Variants in ROPN1L observed in about 807,000 individuals in gnomAD.
The protein encoded by ROPN1L is rhophilin associated tail protein 1 like.
Under a neutral mutation model 22.7 loss-of-function variants are expected in ROPN1L, and 23 were observed. The ratio of observed to expected loss-of-function variants is 1.01; its 90% confidence interval spans 0.73 to 1.43. ROPN1L has a LOEUF of 1.43. Ranked by LOEUF, ROPN1L falls within the 40% of genes most tolerant of loss-of-function variation. The pLI is 0.00. For missense variants in ROPN1L, 271 were observed against 291.5 expected (o/e 0.93, Z 0.51); for synonymous variants, 116 against 117.8 (o/e 0.98, Z 0.10).
chr5:10,461,032 CA>C, intron 3 of ROPN1L, 151 bp from the exon 4 acceptor site: 1 of 602,006 alleles, frequency 1.7e-6, no homozygotes, highest in Non-Finnish European at 2.7e-6. Context: ...GGCAATTGTA[CA>C]TTCACCTAGT....
At chr5:10,443,178 G>A (rs2126422506) in intron 1 of ROPN1L, among the ~76,000 whole-genome samples, 1 of 147,962 alleles carries the variant, frequency 6.8e-6, no homozygotes, top group South Asian at 2.2e-4. Context: ...AACACAGCAA[G>A]ACCCCATCTG....
At chr5:10,482,726 G>A in the ROPN1L span, among the ~76,000 whole-genome samples, 4 of 152,172 alleles carry the variant, frequency 2.6e-5, no homozygotes, top group South Asian at 4.1e-4. Flanking sequence ...AGGTCAACTC[G>A]GAATCTGTCA....
At chr5:10,464,454 C>T (rs1228701088) in intron 4 of ROPN1L, among the ~76,000 whole-genome samples, 1 of 152,228 alleles carries the variant, frequency 6.6e-6, no homozygotes. Flanking sequence ...CTTTTGTGCT[C>T]TCTGATGCGG....
the ROPN1L span, among the ~76,000 whole-genome samples, chr5:10,478,818 A>G: frequency 2.0e-5 from 3 of 152,326 alleles, no homozygotes; most frequent in African/African-American, 7.2e-5. Flanking sequence ...TCCAATGCCT[A>G]AAAGAAGTGC....
chr5:10,452,612 A>G (rs1449769408), intron 3 of ROPN1L, among the ~76,000 whole-genome samples: 2 of 152,112 alleles, frequency 1.3e-5, no homozygotes, highest in Non-Finnish European at 2.9e-5. Flanking sequence ...TGCTGGGATT[A>G]CAGGTGTGAG....
At chr5:10,453,850 G>T (rs1449179175) in intron 3 of ROPN1L, among the ~76,000 whole-genome samples, 12 of 152,142 alleles carry the variant, frequency 7.9e-5, no homozygotes, top group African/African-American at 2.7e-4. Flanking sequence ...GCCAGGCCCT[G>T]TTCTAAGTGC....
At chr5:10,467,424 C>CGGGATCACA (rs1209262254), downstream of ROPN1L, among the ~76,000 whole-genome samples, 1 of 152,110 alleles carries the variant, frequency 6.6e-6, no homozygotes, top group Non-Finnish European at 1.5e-5. Context: ...AACAAAACCA[C>CGGGATCACA]GGGATCACAG....
At chr5:10,459,273 GCCTCCTTGCCAGGTTCCCGCCTTCCAC>G (rs1463350574) in intron 3 of ROPN1L, among the ~76,000 whole-genome samples, 5 of 146,176 alleles carry the variant, frequency 3.4e-5, no homozygotes, top group South Asian at 4.3e-4. Context: ...TATTCCAGCA[GCCTCCTTGCCAGGTTCCCGCCTTCCAC>G]CCTCCTCACC....
chr5:10,480,807 G>T, the ROPN1L span, among the ~76,000 whole-genome samples: 2 of 152,094 alleles, frequency 1.3e-5, no homozygotes, highest in African/African-American at 4.8e-5. Context: ...GAACTCCACA[G>T]CTGGGGCTGA....
chr5:10,461,586 CCTGT>C (rs1735031448), intron 4 of ROPN1L: 1 of 460,908 alleles, frequency 2.2e-6, no homozygotes, highest in Non-Finnish European at 3.9e-6. Context: ...CCGTCTCTAC[CCTGT>C]CTACCTGGAG....
intron 1 of ROPN1L, among the ~76,000 whole-genome samples, chr5:10,445,805 C>T (rs1021694680): frequency 3.3e-5 from 5 of 152,170 alleles, no homozygotes; most frequent in Non-Finnish European, 7.4e-5. Context: ...TGTCTGTAAT[C>T]CCAGCTATTC....
At chr5:10,459,458 C>T (rs1311080410) in intron 3 of ROPN1L, among the ~76,000 whole-genome samples, 5 of 152,024 alleles carry the variant, frequency 3.3e-5, no homozygotes, top group Non-Finnish European at 5.9e-5. Flanking sequence ...TGTTTAAAAC[C>T]CTTTGACACC....
intron 4 of ROPN1L, among the ~76,000 whole-genome samples, chr5:10,462,926 TA>T (rs1735065850): frequency 7.5e-6 from 1 of 133,462 alleles, no homozygotes; most frequent in African/African-American, 2.7e-5. Context: ...ATAATAATAA[TA>T]ACTTAAAAAG....
chr5:10,468,412 G>T (rs1050148101), downstream of ROPN1L, among the ~76,000 whole-genome samples: 1 of 152,156 alleles, frequency 6.6e-6, no homozygotes, highest in Non-Finnish European at 1.5e-5. Flanking sequence ...TCTCATCAAG[G>T]AAAACACGTT....
chr5:10,465,178 A>G, downstream of ROPN1L: 1 of 321,376 alleles, frequency 3.1e-6, no homozygotes, highest in Non-Finnish European at 5.7e-6. Flanking sequence ...AAAATAATCT[A>G]TTTGGAGACT....
At position 10,442,226 on chromosome 5, in the gene ROPN1L, C is replaced by T; in HGVS notation, c.59C>T (p.Pro20Leu). The change falls in exon 1 of 5, where the codon CCG (proline) becomes CTG (leucine). Residue 20 changes from proline to leucine, a missense_variant. Pro to Leu is a moderately conservative substitution (Grantham distance 98). Coordinates refer to ENST00000274134, the MANE Select transcript of ROPN1L (RefSeq NM_031916.5). ...CAGATCCACATTCCCCCGGAGCTGC[C>T]GGACATCCTGAAGCAATTCACCAAG... ...AQQIHIPPEL[P>L]DILKQFTKAA... is the part of the protein sequence containing the mutation. The T allele has an allele frequency of 1.2e-6, 2 of 1,613,860 alleles. No homozygotes were observed. The highest frequency in any genetic ancestry group is 8.5e-7 in the Non-Finnish European group (1 of 1,179,912).
At chr5:10,455,781 T>TCAGAGGC (rs1239723785) in intron 3 of ROPN1L, among the ~76,000 whole-genome samples, 15 of 152,392 alleles carry the variant, frequency 9.8e-5, no homozygotes, top group South Asian at 2.1e-4. Flanking sequence ...CAGTGCTGGG[T>TCAGAGGC]TAGAGGCTTT....
intron 2 of ROPN1L, among the ~76,000 whole-genome samples, chr5:10,449,552 ATTTAT>A (rs1741187322): frequency 6.6e-6 from 1 of 151,988 alleles, no homozygotes; most frequent in African/African-American, 2.4e-5. Context: ...GAAGAAATAC[ATTTAT>A]TTTCAGTTTT....
chr5:10,475,856 G>T (rs1735310352), downstream of ROPN1L, among the ~76,000 whole-genome samples: 1 of 152,226 alleles, frequency 6.6e-6, no homozygotes, highest in Non-Finnish European at 1.5e-5. Context: ...GCACGTAGAA[G>T]TTTATTTTCT....
Sources: allele counts gnomAD v4.1 joint callset (sites outside exome capture counted in the v4.1 genomes callset), GRCh38; gene constraint gnomAD v4.1.1; transcripts MANE v1.5; gene names NCBI Gene and HGNC (gene_info 2026-07-23, HGNC 2026-07-21).